ZNF536: variants seen among roughly 807,000 people sequenced by gnomAD.
ZNF536 encodes zinc finger protein 536.
A neutral mutation model predicts 84.5 loss-of-function variants in ZNF536; 13 were observed. The ratio of observed to expected loss-of-function variants is 0.15; its 90% CI spans 0.10 to 0.24. The LOEUF (loss-of-function observed/expected upper bound fraction) is 0.24. ZNF536 is among the 10% of genes least tolerant of loss of function. The pLI is 1.00. For synonymous variants in ZNF536, 811 were observed against 742.5 expected (o/e 1.09, Z -1.50); for missense variants, 1,536 against 1,747.5 (o/e 0.88, Z 2.16).
At chr19:30,693,070 C>T (rs535333836) in intron 1 of ZNF536, among the ~76,000 whole-genome samples, 1 of 151,566 alleles carries the variant, frequency 6.6e-6, no homozygotes, top group African/African-American at 2.4e-5. Context: ...ACGTGTGCAG[C>T]GTGGAGGTGC....
rs1336256750 is a variant in ZNF536 at position 30,422,102 on chromosome 19, T to C, written c.-2-21459T>C. Among the ~76,000 whole-genome samples the C allele has an allele frequency of 3.3e-5, 5 of 152,208 alleles. No homozygotes were observed. In the East Asian group the frequency reaches 7.7e-4, roughly 23 times the overall value. On this transcript the variant is annotated intron_variant, in intron 1 of 4. Transcript: ENST00000355537. ...TCTATAGCAAAAAGCATCAGGAAGGTGATATGCGGGTGCCTGAAACTGGGA... is the reference window on the plus strand; with the variant it reads ...TCTATAGCAAAAAGCATCAGGAAGGCGATATGCGGGTGCCTGAAACTGGGA...
At chr19:30,625,261 C>A (rs957621830) in intron 1 of ZNF536, among the ~76,000 whole-genome samples, 3 of 152,142 alleles carry the variant, frequency 2.0e-5, no homozygotes, top group Admixed American at 6.5e-5. Context: ...CCTCACCCCC[C>A]AATCAGGGAG....
Position 30,462,292 on chromosome 19 carries a change from T to TTG in ZNF536, c.2170+16569_2170+16570dup, listed in dbSNP as rs1389128268. Among the ~76,000 whole-genome samples the TTG allele has an allele frequency of 3.9e-3, 568 of 144,088 alleles. 3 individuals are homozygous for TTG. The highest frequency in any genetic ancestry group is 0.013 in the South Asian group (58 of 4,626). 94.5% of individuals were successfully genotyped at this position (144,088 alleles called of 152,430 possible). A position where few individuals can be genotyped will look rare whatever the true frequency, so the allele number is the denominator to read the frequency against. On this transcript the variant is annotated intron_variant, in intron 2 of 4. Transcript: ENST00000355537. ...GCCAGCAGGTTCTTTTCTTGTGATT[T>TTG]TGTGTGTGTGAGTGTGTGTGTGTGT...
chr19:30,399,187 A>G (rs1437454563), intron 1 of ZNF536, among the ~76,000 whole-genome samples: 1 of 151,794 alleles, frequency 6.6e-6, no homozygotes, highest in Admixed American at 6.6e-5. Context: ...GCTTTTTTTC[A>G]TATGTTTGTC....
intron 1 of ZNF536, among the ~76,000 whole-genome samples, chr19:30,649,359 G>T (rs1044192168): frequency 2.0e-5 from 3 of 152,128 alleles, no homozygotes; most frequent in Non-Finnish European, 4.4e-5. Flanking sequence ...CTCTTAACAG[G>T]GGGACATACA....
intron 1 of ZNF536, among the ~76,000 whole-genome samples, chr19:30,646,491 A>T (rs1289771244): frequency 6.6e-6 from 1 of 152,228 alleles, no homozygotes; most frequent in Non-Finnish European, 1.5e-5. Flanking sequence ...GAATGTGTGC[A>T]TGTGCGGGTG....
At chr19:30,398,819 A>G (rs2049929939) in intron 1 of ZNF536, among the ~76,000 whole-genome samples, 1 of 152,088 alleles carries the variant, frequency 6.6e-6, no homozygotes, top group Admixed American at 6.5e-5. Context: ...TCTATCATTG[A>G]TGGGCATTTG....
At chr19:30,520,980 C>T (rs375634728) in intron 2 of ZNF536, among the ~76,000 whole-genome samples, 5 of 152,336 alleles carry the variant, frequency 3.3e-5, no homozygotes, top group African/African-American at 1.2e-4. Flanking sequence ...CACTCTGCCA[C>T]GCAGGGTTTA....
rs548956056 is a variant in ZNF536 at position 30,422,985 on chromosome 19, A to ACATCCATC, written c.-2-20558_-2-20551dup. On this transcript the variant is annotated intron_variant, in intron 1 of 4. Coordinates refer to ENST00000355537, the MANE Select transcript of ZNF536 (RefSeq NM_014717.3). ...TTCAACCATCCATCCATCCAACCAA[A>ACATCCATC]CATCCATCCATCCATCCATCCATCC... Among the ~76,000 whole-genome samples the ACATCCATC allele has an allele frequency of 6.7e-4, 35 of 52,198 alleles. 6 individuals carry two copies. Among genetic ancestry groups the ACATCCATC allele is most frequent in the African/African-American group, 1.6e-3 (17 of 10,756 alleles). The allele number at this position is 52,198 out of a possible 152,430, so 34.2% of individuals were successfully genotyped here. A position where few individuals can be genotyped will look rare whatever the true frequency, so the allele number is the denominator to read the frequency against.
intron 3 of ZNF536, among the ~76,000 whole-genome samples, chr19:30,363,145 G>A (rs924862748): frequency 1.3e-5 from 2 of 152,150 alleles, no homozygotes; most frequent in Admixed American, 1.3e-4. Context: ...TTTATGACGT[G>A]GTGGGCTGGG....
chr19:30,594,974 G>A (rs921414054), intron 1 of ZNF536, among the ~76,000 whole-genome samples: 1 of 152,118 alleles, frequency 6.6e-6, no homozygotes, highest in Non-Finnish European at 1.5e-5. Context: ...GCAGCACTGA[G>A]TTCTTCCAGG....
intron 1 of ZNF536, among the ~76,000 whole-genome samples, chr19:30,668,050 C>T (rs1052590715): frequency 5.3e-5 from 8 of 152,084 alleles, no homozygotes; most frequent in African/African-American, 1.9e-4. Flanking sequence ...GTAATTGGCT[C>T]TAAAATAACT....
intron 1 of ZNF536, among the ~76,000 whole-genome samples, chr19:30,623,952 G>A (rs1257135091): frequency 6.6e-6 from 1 of 152,204 alleles, no homozygotes; most frequent in Non-Finnish European, 1.5e-5. Flanking sequence ...TGTTTCATGG[G>A]TTAGAGAAGT....
At chr19:30,514,174 C>T (rs1296233221) in intron 2 of ZNF536, among the ~76,000 whole-genome samples, 1 of 152,214 alleles carries the variant, frequency 6.6e-6, no homozygotes, top group Non-Finnish European at 1.5e-5. Context: ...GAGAGGAGCA[C>T]AGACCTCAGA....
chr19:30,643,473 C>G (rs2049340163), intron 1 of ZNF536, among the ~76,000 whole-genome samples: 1 of 152,144 alleles, frequency 6.6e-6, no homozygotes, highest in Admixed American at 6.6e-5. Flanking sequence ...ACCATTTATA[C>G]AGTGTTTAAT....
chr19:30,284,377 G>C (rs531525153), intron 2 of ZNF536, among the ~76,000 whole-genome samples: 3 of 152,310 alleles, frequency 2.0e-5, no homozygotes, highest in Non-Finnish European at 4.4e-5. Flanking sequence ...GCCCAACAAG[G>C]GTGACTTCTT....
intron 2 of ZNF536, among the ~76,000 whole-genome samples, chr19:30,458,804 C>A (rs770362422): frequency 6.6e-6 from 1 of 152,112 alleles, no homozygotes; most frequent in Non-Finnish European, 1.5e-5. Context: ...TCTGAGGGAC[C>A]CATGTGCCTG....
chr19:30,380,142 C>T (rs1352229809), intron 1 of ZNF536, among the ~76,000 whole-genome samples: 1 of 152,192 alleles, frequency 6.6e-6, no homozygotes, highest in African/African-American at 2.4e-5. Context: ...CAAAATATAG[C>T]CCAAGTCCTA....
chr19:30,227,023 T>C (rs2022652462), upstream of ZNF536, among the ~76,000 whole-genome samples: 1 of 151,792 alleles, frequency 6.6e-6, no homozygotes, highest in Non-Finnish European at 1.5e-5. Flanking sequence ...AGAGCTTTCC[T>C]TTGATGAGTA....
Sources: allele counts gnomAD v4.1 joint callset (sites outside exome capture counted in the v4.1 genomes callset), GRCh38; gene constraint gnomAD v4.1.1; transcripts MANE v1.5; gene names NCBI Gene and HGNC (gene_info 2026-07-23, HGNC 2026-07-21).